ACSL5: variants seen among roughly 807,000 people sequenced by gnomAD.
The protein encoded by ACSL5 is acyl-CoA synthetase long chain family member 5.
In ACSL5, 50 loss-of-function variants were observed where a neutral mutation model predicts 84.9. The ratio of observed to expected loss-of-function variants is 0.59; its 90% confidence interval spans 0.47 to 0.75. ACSL5 has a LOEUF of 0.75. ACSL5 is among the 30% of genes least tolerant of loss of function. ACSL5 has a pLI of 0.00. For missense variants in ACSL5, 775 were observed against 830.4 expected (o/e 0.93, Z 0.82); for synonymous variants, 280 against 300.7 (o/e 0.93, Z 0.71).
At chr10:112,406,218 A>T (rs11195951) in intron 5 of ACSL5, 30,493 of 152,136 alleles carry the variant, frequency 0.2, 3,670 homozygotes, top group Non-Finnish European at 0.26. Context: ...GAGTCTAGGA[A>T]TCCAAGGTCA....
chr10:112,397,493 A>G (rs1843775347), intron 2 of ACSL5, among the ~76,000 whole-genome samples: 1 of 151,938 alleles, frequency 6.6e-6, no homozygotes, highest in Admixed American at 6.6e-5. Flanking sequence ...TTTCTTGAAT[A>G]CGCCGTCCTC....
chr10:112,399,118 C>A, intron 3 of ACSL5, 109 bp downstream of exon 3: 1 of 879,782 alleles, frequency 1.1e-6, no homozygotes, highest in Non-Finnish European at 1.8e-6. Context: ...TGCAGTGATC[C>A]AAGTAGAATC....
chr10:112,381,718 C>T (rs1326958933), intron 1 of ACSL5, among the ~76,000 whole-genome samples: 1 of 150,888 alleles, frequency 6.6e-6, no homozygotes, highest in East Asian at 1.9e-4. Flanking sequence ...CCTGTAATCC[C>T]AGCACTTTGG....
intron 1 of ACSL5, among the ~76,000 whole-genome samples, chr10:112,393,195 A>G (rs1843678988): frequency 6.6e-6 from 1 of 152,144 alleles, no homozygotes; most frequent in African/African-American, 2.4e-5. Flanking sequence ...GAATCCTGCC[A>G]GGTGGTCACA....
intron 17 of ACSL5, among the ~76,000 whole-genome samples, chr10:112,423,023 C>G (rs1368687028): frequency 2.1e-5 from 3 of 144,156 alleles, no homozygotes; most frequent in Non-Finnish European, 4.5e-5. Context: ...CCCGTCTCTA[C>G]TAAAAATACA....
chr10:112,395,011 C>T lies in ACSL5; in HGVS notation c.65C>T (p.Thr22Ile). Residue 22 changes from threonine to isoleucine, a missense_variant, in exon 2 of 21, where the codon ACA becomes ATA. Transcript: ENST00000354655. The stretch of plus-strand genomic sequence containing the variant: ...ACCCCGGCGTTGATCTGCATCCTGA[C>T]ATTTGGAGCTGCCATCTTCTTGTGG... Reference protein sequence around the residue: ...LPTPALICILTFGAAIFLWLI... With the variant: ...LPTPALICILIFGAAIFLWLI... 6.2e-7 allele frequency: 1 copy of T among 1,614,014 alleles called. No homozygotes were observed. Among genetic ancestry groups the T allele is most frequent in the Non-Finnish European group, 8.5e-7 (1 of 1,180,008 alleles).
At chr10:112,410,436 T>G (rs372910495) in intron 7 of ACSL5, 27 bp from the exon 8 acceptor site, 2 of 1,613,978 alleles carry the variant, frequency 1.2e-6, no homozygotes, top group South Asian at 2.2e-5. Context: ...ACTAATGTCT[T>G]TCTTTCTTGG....
In ACSL5 at chr10:112,417,032, G is replaced by A; in HGVS notation, c.1218+10G>A. 6.2e-7 allele frequency: 1 copy of A among 1,613,134 alleles called. No individual in the cohort carries two copies. Among genetic ancestry groups the A allele is most frequent in the Non-Finnish European group, 8.5e-7 (1 of 1,179,340 alleles). ...CTTTGCAAAGATCCAGGTAGGTTGG[G>A]CAGGTCCTGGACTGAAGCAGGCAAA... On this transcript the variant is annotated intron_variant, in intron 13 of 20. Transcript: ENST00000354655.
At chr10:112,378,952 T>C (rs1367466070) in intron 1 of ACSL5, among the ~76,000 whole-genome samples, 1 of 152,164 alleles carries the variant, frequency 6.6e-6, no homozygotes, top group East Asian at 1.9e-4. Flanking sequence ...TAGCCTTCTT[T>C]GGGGAAGCTG....
chr10:112,403,304 T>C (rs1843948010), intron 3 of ACSL5, among the ~76,000 whole-genome samples: 1 of 152,272 alleles, frequency 6.6e-6, no homozygotes, highest in Non-Finnish European at 1.5e-5. Context: ...TGTTTTGTTT[T>C]GAGACTGAGT....
At chr10:112,376,745 A>G (rs929101402) in intron 1 of ACSL5, among the ~76,000 whole-genome samples, 5 of 152,044 alleles carry the variant, frequency 3.3e-5, no homozygotes, top group Admixed American at 2.0e-4. Flanking sequence ...GGGTCTGAGC[A>G]TCCAGCATAG....
chr10:112,390,816 A>G (rs1254770009), intron 1 of ACSL5, among the ~76,000 whole-genome samples: 1 of 152,222 alleles, frequency 6.6e-6, no homozygotes, highest in Non-Finnish European at 1.5e-5. Context: ...GTCAGACACA[A>G]AAAGTCACAT....
At chr10:112,393,062 TC>T (rs1298304965) in intron 1 of ACSL5, among the ~76,000 whole-genome samples, 1 of 152,102 alleles carries the variant, frequency 6.6e-6, no homozygotes, top group Non-Finnish European at 1.5e-5. Context: ...TTCACAGTCT[TC>T]CCTGAGGCAG....
At chr10:112,407,175 A>G (rs1311407073) in intron 5 of ACSL5, among the ~76,000 whole-genome samples, 1 of 152,108 alleles carries the variant, frequency 6.6e-6, no homozygotes, top group African/African-American at 2.4e-5. Flanking sequence ...CCCACAACAC[A>G]TGGGAATTCT....
At position 112,388,726 on chromosome 10, in the gene ACSL5, C is replaced by A. The variant is rs151266352; in HGVS notation, c.-29-6192C>A. On this transcript the variant is annotated intron_variant, in intron 1 of 20. Transcript: ENST00000354655. ...AGGACTATTTCCCAGTGAACAGTGT[C>A]ATGGAGAAGAGAACAAAGTCCATGA... 1.6e-3 allele frequency among the ~76,000 whole-genome samples: 249 copies of A among 152,236 alleles called. 2 individuals carry two copies. The highest frequency in any genetic ancestry group is 5.6e-3 in the African/African-American group (234 of 41,544).
chr10:112,385,922 T>C (rs1849442646), intron 1 of ACSL5, among the ~76,000 whole-genome samples: 2 of 152,322 alleles, frequency 1.3e-5, no homozygotes, highest in Middle Eastern at 3.4e-3. Context: ...ACCATTCTTA[T>C]TGTTTTCATT....
intron 5 of ACSL5, among the ~76,000 whole-genome samples, chr10:112,408,078 A>G (rs1469147230): frequency 6.6e-6 from 1 of 152,080 alleles, no homozygotes; most frequent in African/African-American, 2.4e-5. Flanking sequence ...GTAGGCAGAT[A>G]GGTTGAGCCT....
chr10:112,408,077 T>C (rs1156326500), intron 5 of ACSL5, among the ~76,000 whole-genome samples: 1 of 151,992 alleles, frequency 6.6e-6, no homozygotes, highest in Non-Finnish European at 1.5e-5. Flanking sequence ...GGTAGGCAGA[T>C]AGGTTGAGCC....
intron 16 of ACSL5, 68 bp from the exon 17 acceptor site, chr10:112,422,257 T>C (rs990995272): frequency 2.2e-6 from 3 of 1,379,362 alleles, no homozygotes; most frequent in Non-Finnish European, 3.1e-6. Flanking sequence ...AGCAGGTGTT[T>C]CATAAACTGC....
Sources: allele counts gnomAD v4.1 joint callset (sites outside exome capture counted in the v4.1 genomes callset), GRCh38; gene constraint gnomAD v4.1.1; transcripts MANE v1.5; gene names NCBI Gene and HGNC (gene_info 2026-07-23, HGNC 2026-07-21).